The following NCMAP variants were observed in gnomAD, a reference collection of about 807,000 sequenced individuals.
The protein encoded by NCMAP is noncompact myelin-associated protein.
A neutral mutation model predicts 7.8 loss-of-function variants in NCMAP; 8 were observed. The observed-to-expected ratio is 1.02, with a 90% CI of 0.60 to 1.84. The LOEUF (loss-of-function observed/expected upper bound fraction) is 1.84. Among genes scored for constraint, NCMAP ranks in the 40% most tolerant of loss-of-function variants. The pLI is 0.00. For synonymous variants in NCMAP, 41 were observed against 52.9 expected (o/e 0.78, Z 0.98); for missense variants, 112 against 131.4 (o/e 0.85, Z 0.72).
chr1:24,579,514 C>G (rs1054579074), intron 1 of NCMAP, among the ~76,000 whole-genome samples: 9 of 152,106 alleles, frequency 5.9e-5, no homozygotes, highest in African/African-American at 1.9e-4. Context: ...GCCAGAGGAT[C>G]ACTTGAGTCT....
At chr1:24,560,525 A>G (rs1651020135) in intron 1 of NCMAP, among the ~76,000 whole-genome samples, 1 of 152,216 alleles carries the variant, frequency 6.6e-6, no homozygotes, top group Admixed American at 6.5e-5. Flanking sequence ...CAGGAGGATC[A>G]CTTGAGCCCA....
At chr1:24,573,736 G>A (rs1440224398) in intron 1 of NCMAP, among the ~76,000 whole-genome samples, 3 of 150,272 alleles carry the variant, frequency 2.0e-5, no homozygotes, top group Non-Finnish European at 2.9e-5. Flanking sequence ...CCAGGAGTTC[G>A]AGACCAGCCT....
At chr1:24,581,515 C>G (rs1313996267) in intron 1 of NCMAP, among the ~76,000 whole-genome samples, 4 of 152,208 alleles carry the variant, frequency 2.6e-5, no homozygotes, top group Non-Finnish European at 5.9e-5. Flanking sequence ...TCCCTGCAGG[C>G]AGGAAATTCA....
At chr1:24,558,718 C>T (rs1650972258) in intron 1 of NCMAP, among the ~76,000 whole-genome samples, 1 of 152,104 alleles carries the variant, frequency 6.6e-6, no homozygotes, top group Admixed American at 6.5e-5. Context: ...CGCACTGTCA[C>T]TCTCAGGGTT....
intron 1 of NCMAP, among the ~76,000 whole-genome samples, chr1:24,592,887 C>G (rs532519244): frequency 6.6e-6 from 1 of 151,786 alleles, no homozygotes; most frequent in African/African-American, 2.4e-5. Flanking sequence ...CCACTGCACT[C>G]CAGCCTGGGC....
At chr1:24,561,686 A>C (rs1651058784) in intron 1 of NCMAP, among the ~76,000 whole-genome samples, 1 of 152,120 alleles carries the variant, frequency 6.6e-6, no homozygotes, top group Non-Finnish European at 1.5e-5. Flanking sequence ...TGAGGCGGGC[A>C]GATCTCCTGA....
At chr1:24,604,033 C>T (rs1459161560) in intron 3 of NCMAP, among the ~76,000 whole-genome samples, 2 of 152,292 alleles carry the variant, frequency 1.3e-5, no homozygotes, top group Non-Finnish European at 2.9e-5. Context: ...AAAGAGAGAG[C>T]CAGAGAGAGC....
At chr1:24,577,401 G>GTTTTTTTTTGTTTTTTTTTTTTTT (rs1651605073) in intron 1 of NCMAP, among the ~76,000 whole-genome samples, 3 of 39,964 alleles carry the variant, frequency 7.5e-5, no homozygotes, top group African/African-American at 2.1e-4. Flanking sequence ...CACTGGCCTT[G>GTTTTTTTTTGTTTTTTTTTTTTTT]TTTTTTTTTT....
At chr1:24,591,840 C>A (rs997109485) in intron 1 of NCMAP, among the ~76,000 whole-genome samples, 7 of 152,170 alleles carry the variant, frequency 4.6e-5, no homozygotes, top group Admixed American at 3.3e-4. Context: ...AGAGGCAGAG[C>A]CCACCTTATA....
chr1:24,566,667 A>G (rs929437556), intron 1 of NCMAP, among the ~76,000 whole-genome samples: 3 of 152,208 alleles, frequency 2.0e-5, no homozygotes, highest in African/African-American at 4.8e-5. Flanking sequence ...AAAGGTCTGT[A>G]ATTCTAATTC....
At position 24,556,790 on chromosome 1, in the gene NCMAP, C is replaced by T. The variant is rs115971519; in HGVS notation, c.-8+621C>T. ...GAGATGGCTGTGTCAAATATGAAGG[C>T]TGGATTAGAGAGACCAAGGCAGCCC... On this transcript the variant is annotated intron_variant, in intron 1 of 3. Transcript: ENST00000374392. 6.4e-3 allele frequency among the ~76,000 whole-genome samples: 969 copies of T among 152,112 alleles called. 7 individuals carry two copies. The highest frequency in any genetic ancestry group is 0.024 in the Middle Eastern group (7 of 294).
In NCMAP at chr1:24,605,663, T is replaced by C. The variant is rs1652698574; in HGVS notation, c.225T>C (p.Ser75=). The change falls in exon 4 of 4, where the codon TCT becomes TCC. Residue 75 remains serine, a synonymous_variant. Coordinates refer to ENST00000374392, the MANE Select transcript of NCMAP (RefSeq NM_001010980.5). Reference sequence around the variant, plus strand: ...AGGGCCCCAAGCCAACCGCCCCTTCTGCCGTGGGCCCAAACAGCAACGGCA... The same window carrying C: ...AGGGCCCCAAGCCAACCGCCCCTTCCGCCGTGGGCCCAAACAGCAACGGCA... ...EPKGPKPTAP[S]AVGPNSNGSQ... The C allele has an allele frequency of 6.2e-7, 1 of 1,614,216 alleles. No individual in the cohort carries two copies.
intron 1 of NCMAP, among the ~76,000 whole-genome samples, chr1:24,588,113 GCT>G (rs1272063931): frequency 6.6e-6 from 1 of 150,792 alleles, no homozygotes; most frequent in Non-Finnish European, 1.5e-5. Flanking sequence ...ATGGTATCTT[GCT>G]CTGTCACCCA....
intron 1 of NCMAP, among the ~76,000 whole-genome samples, chr1:24,564,540 A>AAAAAG (rs1324809734): frequency 6.7e-6 from 1 of 149,728 alleles, no homozygotes; most frequent in South Asian, 2.1e-4. Flanking sequence ...AAACAAAAAA[A>AAAAAG]AACCTGAGAG....
At chr1:24,567,936 T>G (rs1004875843) in intron 1 of NCMAP, among the ~76,000 whole-genome samples, 1 of 151,468 alleles carries the variant, frequency 6.6e-6, no homozygotes, top group African/African-American at 2.4e-5. Flanking sequence ...GGTAGGAGAG[T>G]GGGCTTGATT....
chr1:24,575,495 C>A (rs1435819622), intron 1 of NCMAP, among the ~76,000 whole-genome samples: 2 of 152,102 alleles, frequency 1.3e-5, no homozygotes, highest in Non-Finnish European at 2.9e-5. Flanking sequence ...AATAATTTGT[C>A]TACAACAGTG....
At position 24,595,450 on chromosome 1, in the gene NCMAP, T is replaced by C; in HGVS notation, c.20T>C (p.Leu7Pro). 3.1e-6 allele frequency: 5 copies of C among 1,613,962 alleles called. No homozygotes were observed. The highest frequency in any genetic ancestry group is 3.4e-6 in the Non-Finnish European group (4 of 1,179,802). Residue 7 changes from leucine (L) to proline (P), a missense_variant, in exon 2 of 4, where the codon CTG (leucine) becomes CCG (proline). Leu to Pro is a moderately conservative substitution (Grantham distance 98, BLOSUM62 -3). Coordinates refer to ENST00000374392, the MANE Select transcript of NCMAP (RefSeq NM_001010980.5). The part of the protein sequence containing the change: MTTATP[L>P]GDTTFFSLNM... ...ATCGAGATGACCACAGCCACCCCTC[T>C]GGGGGATACCACCTTCTTCTCACTG...
chr1:24,582,145 C>T (rs1232696766), intron 1 of NCMAP, among the ~76,000 whole-genome samples: 5 of 152,134 alleles, frequency 3.3e-5, no homozygotes, highest in Non-Finnish European at 7.3e-5. Context: ...CCTCCTGATT[C>T]GTTGCTCGTG....
chr1:24,598,406 C>G (rs926543653), intron 2 of NCMAP, among the ~76,000 whole-genome samples: 2 of 152,176 alleles, frequency 1.3e-5, no homozygotes, highest in South Asian at 4.2e-4. Flanking sequence ...TCCACCCCCC[C>G]AAGGGGACCT....
Sources: gnomAD v4.1 joint callset for allele counts (sites outside exome capture counted in the v4.1 genomes callset) on GRCh38, gnomAD v4.1.1 for gene constraint, MANE v1.5 for transcripts, NCBI Gene and HGNC (gene_info 2026-07-23, HGNC 2026-07-21) for gene names.